The following CAMK2D variants were observed in gnomAD, a reference collection of about 807,000 sequenced individuals.
CAMK2D encodes the protein calcium/calmodulin-dependent protein kinase type II subunit delta.
CAMK2D carries 37 observed loss-of-function variants against 84.0 expected under a neutral mutation model. The ratio of observed to expected loss-of-function variants is 0.44; its 90% CI spans 0.34 to 0.58. The LOEUF (loss-of-function observed/expected upper bound fraction) is 0.58, where lower values mean the gene tolerates loss of function less well. Among genes scored for constraint, CAMK2D ranks in the 20% least tolerant of loss-of-function variants. CAMK2D has a pLI of 0.02. For missense variants in CAMK2D, 448 were observed against 652.5 expected (o/e 0.69, Z 3.41); for synonymous variants, 202 against 212.5 (o/e 0.95, Z 0.43).
chr4:113,709,146 G>A (rs1332405636), intron 2 of CAMK2D, among the ~76,000 whole-genome samples: 1 of 152,018 alleles, frequency 6.6e-6, no homozygotes, highest in East Asian at 1.9e-4. Context: ...TTTCCATTTA[G>A]TTTTTAAGAA....
intron 2 of CAMK2D, among the ~76,000 whole-genome samples, chr4:113,698,905 G>A (rs1164875021): frequency 6.6e-6 from 1 of 152,108 alleles, no homozygotes; most frequent in African/African-American, 2.4e-5. Context: ...GACGCCAGGG[G>A]TGGAGAAGAG....
chr4:113,527,505 G>A (rs1396511656), intron 8 of CAMK2D, among the ~76,000 whole-genome samples: 1 of 152,028 alleles, frequency 6.6e-6, no homozygotes, highest in Non-Finnish European at 1.5e-5. Context: ...TATGTACTGG[G>A]AAACCAAACA....
In CAMK2D at chr4:113,538,601, T is replaced by C. The variant is rs1325632709; in HGVS notation, c.415-1158A>G. Among the ~76,000 whole-genome samples, 3 of 152,188 alleles carry C rather than the reference T, an allele frequency of 2.0e-5. No homozygotes were observed. In the East Asian group the frequency reaches 5.8e-4, roughly 29 times the overall value. On this transcript the variant is annotated intron_variant, in intron 6 of 20. Coordinates refer to ENST00000511664, the MANE Select transcript of CAMK2D (RefSeq NM_001321571.2). ...AATTCAGTCAATCAAATTCATTTTG[T>C]TTATATGTTAATAAACAAGTAATGT... is the stretch of plus-strand genomic sequence containing the variant.
chr4:113,700,522 C>G (rs1188386052), intron 2 of CAMK2D, among the ~76,000 whole-genome samples: 1 of 152,084 alleles, frequency 6.6e-6, no homozygotes, highest in Admixed American at 6.6e-5. Flanking sequence ...TTAAATAGCA[C>G]TATCAAATAA....
intron 8 of CAMK2D, among the ~76,000 whole-genome samples, chr4:113,522,676 G>A (rs2098377309): frequency 6.6e-6 from 1 of 152,078 alleles, no homozygotes; most frequent in Admixed American, 6.6e-5. Context: ...GTGTCTGACA[G>A]GTACAATTAC....
chr4:113,650,755 T>C (rs1426080066), intron 3 of CAMK2D, among the ~76,000 whole-genome samples: 4 of 152,200 alleles, frequency 2.6e-5, no homozygotes, highest in South Asian at 4.1e-4. Flanking sequence ...CATGTGAATA[T>C]GCAAAACTGC....
intron 4 of CAMK2D, among the ~76,000 whole-genome samples, chr4:113,578,144 T>G (rs1400136191): frequency 6.6e-6 from 1 of 152,230 alleles, no homozygotes; most frequent in Non-Finnish European, 1.5e-5. Context: ...AAAGATATTC[T>G]GTTCCCAAGG....
chr4:113,695,521 TC>T (rs1376695898), intron 2 of CAMK2D, among the ~76,000 whole-genome samples: 1 of 152,046 alleles, frequency 6.6e-6, no homozygotes, highest in East Asian at 1.9e-4. Flanking sequence ...AAATGACAAT[TC>T]CAGCCTGCTA....
At chr4:113,504,903 A>G in intron 14 of CAMK2D, 73 bp downstream of exon 14, 1 of 665,886 alleles carries the variant, frequency 1.5e-6, no homozygotes, top group Non-Finnish European at 2.3e-6. Flanking sequence ...ATATAGTGAA[A>G]GCAAATGAGA....
rs142280815 is a variant in CAMK2D at position 113,558,966 on chromosome 4, A to G, written c.276-6870T>C. Among the ~76,000 whole-genome samples the G allele has an allele frequency of 2.0e-4, 30 of 152,310 alleles. No homozygotes were observed. In the East Asian group the frequency reaches 5.8e-3, roughly 29 times the overall value. On this transcript the variant is annotated intron_variant, in intron 4 of 20. Coordinates refer to ENST00000511664, the MANE Select transcript of CAMK2D (RefSeq NM_001321571.2). ...CACTGCACTCCAGCCTAGATGACAG[A>G]GCGAGACCCTGTCTCAAAAATAAAT...
At chr4:113,740,371 T>G (rs1010068548) in intron 2 of CAMK2D, among the ~76,000 whole-genome samples, 1 of 112,368 alleles carries the variant, frequency 8.9e-6, no homozygotes, top group Non-Finnish European at 1.7e-5. Context: ...TTATGCTAAA[T>G]GAAAGAAGCC....
chr4:113,560,634 C>T (rs951485758), intron 4 of CAMK2D, among the ~76,000 whole-genome samples: 1 of 152,178 alleles, frequency 6.6e-6, no homozygotes, highest in African/African-American at 2.4e-5. Flanking sequence ...ATTAGCACAA[C>T]TGGGACACAT....
chr4:113,531,820 T>A (rs573081826), intron 7 of CAMK2D, among the ~76,000 whole-genome samples: 9 of 152,166 alleles, frequency 5.9e-5, no homozygotes, highest in African/African-American at 1.7e-4. Context: ...TAAGAAGGGA[T>A]GTGGTAAGAA....
chr4:113,685,371 C>T (rs930246711), intron 2 of CAMK2D, among the ~76,000 whole-genome samples: 22 of 151,768 alleles, frequency 1.4e-4, no homozygotes, highest in African/African-American at 5.1e-4. Flanking sequence ...TCCCAAGTAG[C>T]TGGAACTATA....
intron 3 of CAMK2D, among the ~76,000 whole-genome samples, chr4:113,637,479 T>C (rs572571430): frequency 9.2e-5 from 14 of 152,332 alleles, no homozygotes; most frequent in Non-Finnish European, 8.8e-5. Flanking sequence ...AAAGTCCCAT[T>C]AGCAAGTTTC....
At chr4:113,455,965 C>T (rs1425659527) in intron 19 of CAMK2D, 144 bp from the exon 20 acceptor site, 2 of 484,062 alleles carry the variant, frequency 4.1e-6, no homozygotes, top group African/African-American at 1.9e-5. Context: ...TATTAACTGG[C>T]GATTTGTGCT....
intron 2 of CAMK2D, among the ~76,000 whole-genome samples, chr4:113,699,027 T>C (rs779093926): frequency 1.4e-4 from 22 of 152,118 alleles, no homozygotes; most frequent in South Asian, 2.1e-4. Flanking sequence ...TGGATAGATA[T>C]TGCCAAATTG....
At chr4:113,662,898 C>A (rs1173628102) in intron 2 of CAMK2D, among the ~76,000 whole-genome samples, 4 of 152,160 alleles carry the variant, frequency 2.6e-5, no homozygotes, top group Admixed American at 1.3e-4. Flanking sequence ...CTATAATGAA[C>A]TGTTGTATAT....
intron 8 of CAMK2D, among the ~76,000 whole-genome samples, chr4:113,518,045 T>A (rs1391519710): frequency 6.6e-6 from 1 of 152,184 alleles, no homozygotes; most frequent in Non-Finnish European, 1.5e-5. Flanking sequence ...CTAAGCATGT[T>A]TTTTATTTCC....
Sources: gnomAD v4.1 joint callset for allele counts (sites outside exome capture counted in the v4.1 genomes callset) on GRCh38, gnomAD v4.1.1 for gene constraint, MANE v1.5 for transcripts, NCBI Gene and HGNC (gene_info 2026-07-23, HGNC 2026-07-21) for gene names.